STPG4: variants seen among roughly 807,000 people sequenced by gnomAD.
STPG4 encodes the protein sperm-tail PG-rich repeat containing 4, also known as protein STPG4.
Under a neutral mutation model 31.5 loss-of-function variants are expected in STPG4, and 41 were observed. The observed-to-expected ratio is 1.30, with a 90% CI of 1.01 to 1.69. STPG4 has a LOEUF of 1.69. STPG4 is among the 40% of genes most tolerant of loss of function. The pLI, the probability that STPG4 is intolerant of heterozygous loss-of-function variation, is 0.00. For missense variants in STPG4, 375 were observed against 293.4 expected (o/e 1.28, Z -2.03); for synonymous variants, 141 against 103.0 (o/e 1.37, Z -2.24).
intron 3 of STPG4, among the ~76,000 whole-genome samples, chr2:47,141,528 T>C (rs1686707115): frequency 1.3e-5 from 2 of 150,600 alleles, no homozygotes; most frequent in South Asian, 4.2e-4. Context: ...CTGCATTACT[T>C]TGCAGGGGCT....
chr2:47,116,414 T>C (rs757427678), intron 5 of STPG4, among the ~76,000 whole-genome samples: 1 of 152,232 alleles, frequency 6.6e-6, no homozygotes, highest in Non-Finnish European at 1.5e-5. Context: ...GCTCATCTTA[T>C]AAGAATCGAC....
chr2:47,109,556 G>GAAAA (rs533888510), intron 5 of STPG4, among the ~76,000 whole-genome samples: 1 of 88,810 alleles, frequency 1.1e-5, no homozygotes, highest in African/African-American at 4.2e-5. Context: ...CTATGTATCA[G>GAAAA]AAAAAAAAAA....
At chr2:47,087,575 G>GC (rs1461658028) in intron 6 of STPG4, among the ~76,000 whole-genome samples, 1 of 152,146 alleles carries the variant, frequency 6.6e-6, no homozygotes, top group Non-Finnish European at 1.5e-5. Context: ...AGCCCAAATC[G>GC]CCTCTCAAAC....
At chr2:47,121,496 C>A (rs147408119) in intron 5 of STPG4, among the ~76,000 whole-genome samples, 107 of 152,234 alleles carry the variant, frequency 7.0e-4, no homozygotes, top group African/African-American at 2.5e-3. Context: ...CCTACAGATA[C>A]GGATATTTAT....
At chr2:47,126,431 T>C (rs528339686) in intron 5 of STPG4, among the ~76,000 whole-genome samples, 1 of 152,242 alleles carries the variant, frequency 6.6e-6, no homozygotes, top group African/African-American at 2.4e-5. Flanking sequence ...GCTCGAGTGA[T>C]CCTCCCACCT....
At chr2:47,126,088 T>C (rs1356742498) in intron 5 of STPG4, among the ~76,000 whole-genome samples, 1 of 152,188 alleles carries the variant, frequency 6.6e-6, no homozygotes, top group Non-Finnish European at 1.5e-5. Context: ...TCTATGTCTG[T>C]TTTTATGCTA....
chr2:47,145,935 A>T (rs1686811550), intron 3 of STPG4, among the ~76,000 whole-genome samples: 1 of 152,252 alleles, frequency 6.6e-6, no homozygotes, highest in Admixed American at 6.5e-5. Context: ...AATGGGGCTC[A>T]TTGAGAACAT....
chr2:47,117,488 C>T (rs754325533), intron 5 of STPG4, among the ~76,000 whole-genome samples: 2 of 152,202 alleles, frequency 1.3e-5, no homozygotes, highest in Non-Finnish European at 2.9e-5. Flanking sequence ...GGATAACAGG[C>T]ATGAGCCACC....
chr2:47,123,807 A>G (rs796126631), intron 5 of STPG4, among the ~76,000 whole-genome samples: 1 of 152,132 alleles, frequency 6.6e-6, no homozygotes, highest in African/African-American at 2.4e-5. Flanking sequence ...ATTTTGAAAA[A>G]TGTTTATGGC....
At chr2:47,128,679 G>A (rs1480759065) in intron 5 of STPG4, among the ~76,000 whole-genome samples, 4 of 152,106 alleles carry the variant, frequency 2.6e-5, no homozygotes, top group Non-Finnish European at 5.9e-5. Flanking sequence ...TCTCCCTTCA[G>A]GGCAGTGGGC....
At chr2:47,090,505 A>G (rs11680077) in intron 5 of STPG4, 131 bp from the exon 6 acceptor site, 29 of 645,510 alleles carry the variant, frequency 4.5e-5, no homozygotes, top group South Asian at 1.9e-4. Context: ...TGGTCTCGAG[A>G]GATCTCTTTA....
chr2:47,136,821 C>T (rs565113554), intron 3 of STPG4, among the ~76,000 whole-genome samples: 15 of 152,200 alleles, frequency 9.9e-5, no homozygotes, highest in Admixed American at 2.6e-4. Flanking sequence ...GAAAAGTAAT[C>T]GACTTTTGTA....
chr2:47,118,260 T>G (rs1686191984), intron 5 of STPG4, among the ~76,000 whole-genome samples: 1 of 152,078 alleles, frequency 6.6e-6, no homozygotes, highest in Admixed American at 6.6e-5. Flanking sequence ...CAGCATTAGA[T>G]TCTCATAGGA....
rs752791413 is a variant in STPG4, at chr2:47,151,324, T to C, written c.333A>G (p.Gln111=). 39 of 1,614,082 alleles carry C rather than the reference T, an allele frequency of 2.4e-5. No homozygotes were observed. The Admixed American group carries it at 5.5e-4, about 23-fold the overall frequency. Residue 111 remains glutamine (Q), a synonymous_variant, in exon 3 of 7, where the codon CAA becomes CAG. Transcript: ENST00000445927. ...TGTCTTTGAATGAGTAAGTAGCCAC[T>C]TGCTTCTTTAACAGGTCCAGGAAGT... The part of the protein sequence containing the change: ...PPDFLDLLKK[Q]VATYSFKDKP...
chr2:47,131,609 C>G (rs1686485898), intron 3 of STPG4, among the ~76,000 whole-genome samples: 1 of 152,138 alleles, frequency 6.6e-6, no homozygotes. Context: ...GTCATCAGTG[C>G]TAAAAGACAG....
At chr2:47,117,887 G>A (rs1686183058) in intron 5 of STPG4, among the ~76,000 whole-genome samples, 1 of 151,746 alleles carries the variant, frequency 6.6e-6, no homozygotes, top group Non-Finnish European at 1.5e-5. Context: ...GTTATCAGGG[G>A]GAAGTTGTCA....
At chr2:47,151,756 TTTG>T (rs1686941461) in intron 2 of STPG4, among the ~76,000 whole-genome samples, 3 of 152,168 alleles carry the variant, frequency 2.0e-5, no homozygotes, top group Admixed American at 2.0e-4. Flanking sequence ...TTTTTTTTTT[TTTG>T]AGACAGAGTC....
Position 47,112,970 on chromosome 2 carries a change from C to G in STPG4, c.519+16971G>C, listed in dbSNP as rs1413210762. 3.5e-5 allele frequency among the ~76,000 whole-genome samples: 4 copies of G among 114,140 alleles called. No homozygotes were observed. In the East Asian group the frequency reaches 9.7e-4, roughly 28 times the overall value. 74.9% of individuals were successfully genotyped at this position (114,140 alleles called of 152,430 possible). ...TTATGTCACTGCGCTCCAGCCTGGGCGACAGAGCAAGACTATCTCAAAAAA... is the reference window on the plus strand; with the variant it reads ...TTATGTCACTGCGCTCCAGCCTGGGGGACAGAGCAAGACTATCTCAAAAAA... On this transcript the variant is annotated intron_variant, in intron 5 of 6. Transcript: ENST00000445927.
At chr2:47,128,124 G>C (rs904864279) in intron 5 of STPG4, among the ~76,000 whole-genome samples, 1 of 152,176 alleles carries the variant, frequency 6.6e-6, no homozygotes, top group Non-Finnish European at 1.5e-5. Flanking sequence ...GGTAGTCTTG[G>C]ATAAGATCTG....
Sources: allele counts gnomAD v4.1 joint callset (sites outside exome capture counted in the v4.1 genomes callset), GRCh38; gene constraint gnomAD v4.1.1; transcripts MANE v1.5; gene names NCBI Gene and HGNC (gene_info 2026-07-23, HGNC 2026-07-21).